NNT: variants seen among roughly 807,000 people sequenced by gnomAD.
NNT encodes NAD(P) transhydrogenase, mitochondrial.
A neutral mutation model predicts 104.8 loss-of-function variants in NNT; 50 were observed. The ratio of observed to expected loss-of-function variants is 0.48; its 90% CI spans 0.38 to 0.60. The LOEUF (loss-of-function observed/expected upper bound fraction) is 0.60, where lower values mean the gene tolerates loss of function less well. NNT is among the 20% of genes least tolerant of loss of function. The probability of loss-of-function intolerance (pLI) is 0.00; values close to 1 mark genes in which losing one functional copy is unlikely to be tolerated. For synonymous variants in NNT, 461 were observed against 490.4 expected (o/e 0.94, Z 0.79); for missense variants, 1,131 against 1,330.7 (o/e 0.85, Z 2.33).
chr5:43,662,833 G>C (rs1223718932), intron 17 of NNT, among the ~76,000 whole-genome samples: 4 of 151,246 alleles, frequency 2.6e-5, no homozygotes, highest in Admixed American at 6.6e-5. Context: ...GGTTGAGGCT[G>C]CAATGAGCTG....
rs1348305903 is a variant in NNT at position 43,677,358 on chromosome 5, G to A, written c.2795-367G>A. Among the ~76,000 whole-genome samples the A allele has an allele frequency of 3.9e-5, 6 of 151,932 alleles. No homozygotes were observed. In the South Asian group the frequency reaches 6.3e-4, roughly 16 times the overall value. On this transcript the variant is annotated intron_variant, in intron 18 of 21. Transcript: ENST00000344920. ...CAAAGTTAGGCTGGGACAGGGGACC[G>A]CAGTGTCGTCAAAGCCAAGTATGAA...
At chr5:43,656,608 C>T in intron 15 of NNT, 45 bp from the exon 16 acceptor site, 1 of 1,523,980 alleles carries the variant, frequency 6.6e-7, no homozygotes, top group Non-Finnish European at 8.9e-7. Flanking sequence ...TATGTATTTT[C>T]TTACAACACA....
At chr5:43,608,777 G>T (rs1333434395) in intron 1 of NNT, among the ~76,000 whole-genome samples, 1 of 152,154 alleles carries the variant, frequency 6.6e-6, no homozygotes, top group Non-Finnish European at 1.5e-5. Context: ...TGGACATGCT[G>T]ACTTAGAAGA....
chr5:43,677,667 C>T, intron 18 of NNT, 58 bp from the exon 19 acceptor site: 1 of 1,450,156 alleles, frequency 6.9e-7, no homozygotes, highest in Non-Finnish European at 9.7e-7. Context: ...AGAAGTTGTA[C>T]TTCATGTAAT....
intron 5 of NNT, among the ~76,000 whole-genome samples, chr5:43,623,585 C>T (rs1302043862): frequency 6.6e-6 from 1 of 152,090 alleles, no homozygotes. Context: ...ATGTTGTACC[C>T]ATCTTTGAAA....
At chr5:43,694,861 A>G (rs758946365) in intron 19 of NNT, among the ~76,000 whole-genome samples, 34 of 151,388 alleles carry the variant, frequency 2.2e-4, no homozygotes, top group Admixed American at 2.0e-4. Flanking sequence ...GTTTTTTCGA[A>G]TCATTTCTGT....
chr5:43,639,175 C>CA (rs903724973), intron 7 of NNT, among the ~76,000 whole-genome samples: 2 of 151,912 alleles, frequency 1.3e-5, no homozygotes, highest in Admixed American at 6.6e-5. Context: ...TGAGAAAAAA[C>CA]AAAAAAGCAG....
intron 8 of NNT, 136 bp from the exon 9 acceptor site, chr5:43,644,471 GTATT>G (rs1751396489): frequency 3.1e-5 from 37 of 1,200,858 alleles, no homozygotes; most frequent in Non-Finnish European, 4.2e-5. Flanking sequence ...GTTGAAATAT[GTATT>G]TGTTTATGGG....
intron 4 of NNT, 82 bp downstream of exon 4, chr5:43,616,147 T>G (rs1202303580): frequency 9.2e-7 from 1 of 1,088,958 alleles, no homozygotes. Context: ...TGTCTTACAG[T>G]GATTTTATTT....
intron 17 of NNT, among the ~76,000 whole-genome samples, chr5:43,670,788 G>A (rs1461759339): frequency 6.6e-6 from 1 of 152,212 alleles, no homozygotes; most frequent in Non-Finnish European, 1.5e-5. Context: ...TTCTGTAGAT[G>A]TCTATTAGGT....
At chr5:43,654,275 C>T (rs1023082053) in intron 14 of NNT, among the ~76,000 whole-genome samples, 3 of 152,082 alleles carry the variant, frequency 2.0e-5, no homozygotes, top group Non-Finnish European at 4.4e-5. Context: ...AATAAGCAAA[C>T]GCTACAAATC....
At chr5:43,607,798 A>G (rs192817521) in intron 1 of NNT, among the ~76,000 whole-genome samples, 3 of 152,116 alleles carry the variant, frequency 2.0e-5, no homozygotes, top group Non-Finnish European at 4.4e-5. Flanking sequence ...TGGAGTCTGG[A>G]AGAACATTTA....
intron 6 of NNT, among the ~76,000 whole-genome samples, chr5:43,626,024 A>T (rs1223066276): frequency 2.0e-5 from 3 of 152,136 alleles, no homozygotes; most frequent in African/African-American, 7.2e-5. Context: ...GAAGTACAGC[A>T]ATTTATTTAA....
At chr5:43,605,522 C>CA (rs70997416) in intron 1 of NNT, among the ~76,000 whole-genome samples, 16,756 of 37,698 alleles carry the variant, frequency 0.44, 5,810 homozygotes, top group African/African-American at 0.51. Context: ...GACTCCGTCT[C>CA]AAAAAAAAAA....
At chr5:43,609,392 G>A (rs1307570835) in intron 2 of NNT, 46 bp downstream of exon 2, 5 of 1,578,726 alleles carry the variant, frequency 3.2e-6, no homozygotes, top group East Asian at 2.2e-5. Context: ...TCAAGTCATA[G>A]GAACTAATAG....
intron 17 of NNT, among the ~76,000 whole-genome samples, chr5:43,664,618 A>G (rs1740532013): frequency 6.6e-6 from 1 of 152,208 alleles, no homozygotes; most frequent in African/African-American, 2.4e-5. Context: ...TTGGCTTAAT[A>G]GCTTAAAATG....
intron 3 of NNT, chr5:43,613,437 C>G: frequency 3.9e-6 from 1 of 259,212 alleles, no homozygotes; most frequent in Non-Finnish European, 7.4e-6. Flanking sequence ...CCATATATAT[C>G]CAGAGTACCC....
At chr5:43,658,461 TTCAAAGG>T (rs1740174744) in intron 16 of NNT, among the ~76,000 whole-genome samples, 1 of 152,246 alleles carries the variant, frequency 6.6e-6, no homozygotes, top group Admixed American at 6.5e-5. Flanking sequence ...GTTATATTCC[TTCAAAGG>T]GTATTGATTA....
At chr5:43,642,386 C>T (rs1751284060) in intron 7 of NNT, among the ~76,000 whole-genome samples, 1 of 152,148 alleles carries the variant, frequency 6.6e-6, no homozygotes, top group South Asian at 2.1e-4. Flanking sequence ...CTCAAATTCT[C>T]ATGGTTGAGT....
Sources: gnomAD v4.1 joint callset for allele counts (sites outside exome capture counted in the v4.1 genomes callset) on GRCh38, gnomAD v4.1.1 for gene constraint, MANE v1.5 for transcripts, NCBI Gene and HGNC (gene_info 2026-07-23, HGNC 2026-07-21) for gene names.